CLYBL: variants seen among roughly 807,000 people sequenced by gnomAD.
The protein encoded by CLYBL is citramalyl-CoA lyase, mitochondrial.
In CLYBL, 31 loss-of-function variants were observed where a neutral mutation model predicts 38.9. That is an observed-to-expected ratio of 0.80 (90% CI 0.60 to 1.08). CLYBL has a LOEUF of 1.08. Among genes scored for constraint, CLYBL ranks in the 50% least tolerant of loss-of-function variants. The pLI, the probability that CLYBL is intolerant of heterozygous loss-of-function variation, is 0.00. For synonymous variants in CLYBL, 171 were observed against 158.6 expected, an observed-to-expected ratio of 1.08 and a Z score of -0.59; for missense variants, 434 against 411.6, an observed-to-expected ratio of 1.05 and a Z score of -0.47.
At chr13:99,799,377 T>TCACACAAACACA (rs1555308851) in intron 2 of CLYBL, among the ~76,000 whole-genome samples, 1 of 150,176 alleles carries the variant, frequency 6.7e-6, no homozygotes, top group African/African-American at 2.5e-5. Flanking sequence ...ATACACACAT[T>TCACACAAACACA]CACACACACA....
At chr13:99,853,609 A>G (rs1363156033) in intron 2 of CLYBL, among the ~76,000 whole-genome samples, 2 of 152,226 alleles carry the variant, frequency 1.3e-5, no homozygotes, top group Non-Finnish European at 2.9e-5. Context: ...CTGTTGAAAC[A>G]TACTACCAGG....
At chr13:99,693,977 C>T (rs2047943943) in intron 1 of CLYBL, among the ~76,000 whole-genome samples, 3 of 152,114 alleles carry the variant, frequency 2.0e-5, no homozygotes, top group South Asian at 2.1e-4. Context: ...GAACAAAAGT[C>T]GTAATTGCCC....
intron 1 of CLYBL, among the ~76,000 whole-genome samples, chr13:99,693,316 A>G (rs2047934379): frequency 6.6e-6 from 1 of 152,132 alleles, no homozygotes; most frequent in Non-Finnish European, 1.5e-5. Flanking sequence ...GTTCTTAGGA[A>G]ACTGGTCAGA....
chr13:99,731,004 G>A (rs2806278), intron 1 of CLYBL, among the ~76,000 whole-genome samples: 89,557 of 149,336 alleles, frequency 0.6, 27,899 homozygotes, highest in African/African-American at 0.77. Flanking sequence ...AATCACTTGA[G>A]CCCCGGGGGC....
At chr13:99,820,411 T>TA (rs1042936085) in intron 2 of CLYBL, among the ~76,000 whole-genome samples, 1 of 152,196 alleles carries the variant, frequency 6.6e-6, no homozygotes, top group African/African-American at 2.4e-5. Context: ...CTCAGAAACT[T>TA]ACCATAGTAA....
At chr13:99,777,342 T>C (rs1019146914) in intron 2 of CLYBL, among the ~76,000 whole-genome samples, 3 of 152,174 alleles carry the variant, frequency 2.0e-5, no homozygotes, top group Non-Finnish European at 2.9e-5. Context: ...TCTCCCTCAA[T>C]ACCTCCACCT....
At position 99,728,187 on chromosome 13, in the gene CLYBL, T is replaced by A. The variant is rs558438523; in HGVS notation, c.63-44637T>A. 2.6e-4 allele frequency among the ~76,000 whole-genome samples: 39 copies of A among 152,274 alleles called. 2 individuals are homozygous for A. In the South Asian group the frequency reaches 6.4e-3, roughly 25 times the overall value. The stretch of plus-strand genomic sequence containing the variant: ...AAGCTCTGTGTTTTGGTGGGGGGGA[T>A]TACAGGTGTGAGCCACCATACTGGC... On this transcript the variant is annotated intron_variant, in intron 1 of 8. Coordinates refer to ENST00000339105, the MANE Select transcript of CLYBL (RefSeq NM_206808.5).
At chr13:99,629,506 C>T (rs1012438545) in intron 1 of CLYBL, among the ~76,000 whole-genome samples, 5 of 152,164 alleles carry the variant, frequency 3.3e-5, no homozygotes, top group African/African-American at 1.2e-4. Context: ...TCCTCCTGCT[C>T]CTGGGTCATA....
intron 7 of CLYBL, among the ~76,000 whole-genome samples, chr13:99,872,739 A>C (rs2051939760): frequency 6.6e-6 from 1 of 152,208 alleles, no homozygotes; most frequent in Non-Finnish European, 1.5e-5. Flanking sequence ...GTAAGCAGAT[A>C]GGGGTGTGGG....
At chr13:99,750,409 C>A (rs778084532) in intron 1 of CLYBL, among the ~76,000 whole-genome samples, 1 of 152,124 alleles carries the variant, frequency 6.6e-6, no homozygotes, top group Admixed American at 6.5e-5. Flanking sequence ...GATGGCCAGG[C>A]GCGGTGGCTC....
intron 1 of CLYBL, among the ~76,000 whole-genome samples, chr13:99,761,475 A>G (rs1439724307): frequency 2.0e-5 from 3 of 152,198 alleles, no homozygotes; most frequent in Non-Finnish European, 1.5e-5. Context: ...AATGACCTCC[A>G]GTACAATCCA....
At chr13:99,685,632 G>A (rs2047805492) in intron 1 of CLYBL, among the ~76,000 whole-genome samples, 3 of 152,118 alleles carry the variant, frequency 2.0e-5, no homozygotes, top group African/African-American at 7.2e-5. Context: ...TGGATAAGAG[G>A]ATGGCCTTAA....
intron 1 of CLYBL, among the ~76,000 whole-genome samples, chr13:99,706,235 T>A (rs2048145368): frequency 6.6e-6 from 1 of 152,188 alleles, no homozygotes; most frequent in East Asian, 1.9e-4. Flanking sequence ...TGACGTATTT[T>A]GCCCCAATTT....
At chr13:99,732,192 G>C (rs1210226947) in intron 1 of CLYBL, among the ~76,000 whole-genome samples, 1 of 28,480 alleles carries the variant, frequency 3.5e-5, no homozygotes, top group African/African-American at 1.4e-4. Flanking sequence ...TTTTTTTTTT[G>C]AGACAGGGTC....
At chr13:99,700,002 A>G (rs2048040420) in intron 1 of CLYBL, among the ~76,000 whole-genome samples, 1 of 152,016 alleles carries the variant, frequency 6.6e-6, no homozygotes, top group South Asian at 2.1e-4. Flanking sequence ...AAAAAGTAAA[A>G]TAAAATAAAA....
chr13:99,833,003 CATACAT>C (rs1401581462), intron 2 of CLYBL, among the ~76,000 whole-genome samples: 26 of 73,308 alleles, frequency 3.5e-4, no homozygotes, highest in African/African-American at 1.4e-3. Context: ...TACATACATA[CATACAT>C]ATATATATAT....
intron 2 of CLYBL, among the ~76,000 whole-genome samples, chr13:99,830,070 TC>T (rs535884294): frequency 2.0e-5 from 3 of 152,028 alleles, no homozygotes; most frequent in Non-Finnish European, 2.9e-5. Context: ...GTCCTGGCTC[TC>T]CCCCCGGCAT....
At chr13:99,693,449 G>A (rs1406043551) in intron 1 of CLYBL, among the ~76,000 whole-genome samples, 1 of 151,684 alleles carries the variant, frequency 6.6e-6, no homozygotes, top group Non-Finnish European at 1.5e-5. Flanking sequence ...AGGCAGCTCG[G>A]TATTATCCAT....
At chr13:99,822,257 C>T (rs1052397999) in intron 2 of CLYBL, among the ~76,000 whole-genome samples, 18 of 152,162 alleles carry the variant, frequency 1.2e-4, no homozygotes, top group African/African-American at 4.3e-4. Context: ...TGTTACACAG[C>T]AATAAATAAC....
Sources: allele counts gnomAD v4.1 joint callset (sites outside exome capture counted in the v4.1 genomes callset), GRCh38; gene constraint gnomAD v4.1.1; transcripts MANE v1.5; gene names NCBI Gene and HGNC (gene_info 2026-07-23, HGNC 2026-07-21).